Variants in OXR1 observed in about 807,000 individuals in gnomAD.
OXR1 encodes the protein oxidation resistance 1.
A neutral mutation model predicts 104.6 loss-of-function variants in OXR1; 41 were observed. That is an observed-to-expected ratio of 0.39 (90% CI 0.31 to 0.51). The LOEUF (loss-of-function observed/expected upper bound fraction) is 0.51. Ranked by LOEUF, OXR1 falls within the 20% of genes least tolerant of loss-of-function variation. The probability of loss-of-function intolerance (pLI) is 0.77; values close to 1 mark genes in which losing one functional copy is unlikely to be tolerated. For synonymous variants in OXR1, 348 were observed against 348.4 expected, an observed-to-expected ratio of 1.00 and a Z score of 0.01; for missense variants, 955 against 1,031.9, an observed-to-expected ratio of 0.93 and a Z score of 1.02.
At chr8:106,504,025 A>T (rs1378535641) in intron 2 of OXR1, among the ~76,000 whole-genome samples, 2 of 152,160 alleles carry the variant, frequency 1.3e-5, no homozygotes, top group African/African-American at 2.4e-5. Flanking sequence ...AGCTTTAAAC[A>T]CCTAACAAAA....
intron 3 of OXR1, among the ~76,000 whole-genome samples, chr8:106,568,190 T>G (rs1043060845): frequency 1.3e-5 from 2 of 152,120 alleles, no homozygotes; most frequent in African/African-American, 4.8e-5. Context: ...AAATCTTGCT[T>G]TCTCACTTCC....
At chr8:106,459,331 CCCTTCTG>C (rs1820780270) in intron 2 of OXR1, among the ~76,000 whole-genome samples, 1 of 151,966 alleles carries the variant, frequency 6.6e-6, no homozygotes. Flanking sequence ...TGTTTTCTTC[CCCTTCTG>C]CCTTCTGCCG....
At chr8:106,351,900 T>C (rs1815742343) in intron 1 of OXR1, among the ~76,000 whole-genome samples, 1 of 152,174 alleles carries the variant, frequency 6.6e-6, no homozygotes, top group Non-Finnish European at 1.5e-5. Context: ...ATTTTACAAA[T>C]GAAGAAATAA....
At chr8:106,654,912 C>CTG (rs2131038816) in intron 3 of OXR1, among the ~76,000 whole-genome samples, 1 of 152,186 alleles carries the variant, frequency 6.6e-6, no homozygotes, top group African/African-American at 2.4e-5. Flanking sequence ...TCCAAATATC[C>CTG]ATCAATGGAT....
At chr8:106,338,801 C>T (rs1308028976) in intron 1 of OXR1, among the ~76,000 whole-genome samples, 1 of 152,044 alleles carries the variant, frequency 6.6e-6, no homozygotes, top group East Asian at 1.9e-4. Flanking sequence ...TTGTAATTCT[C>T]TAAAACATAT....
chr8:106,274,311 A>T (rs1384376631), intron 1 of OXR1, among the ~76,000 whole-genome samples: 1 of 152,204 alleles, frequency 6.6e-6, no homozygotes, highest in African/African-American at 2.4e-5. Context: ...CCCTGCATGC[A>T]GGAGCTCAGA....
chr8:106,638,712 G>A (rs1823363064), intron 3 of OXR1, among the ~76,000 whole-genome samples: 2 of 152,132 alleles, frequency 1.3e-5, no homozygotes, highest in African/African-American at 4.8e-5. Flanking sequence ...GGCCAACATG[G>A]TGAAATCCCA....
At chr8:106,666,774 A>G (rs1191711855) in intron 3 of OXR1, among the ~76,000 whole-genome samples, 3 of 152,188 alleles carry the variant, frequency 2.0e-5, no homozygotes, top group Admixed American at 1.3e-4. Flanking sequence ...TACGGAAGGT[A>G]ATCAGATATC....
intron 2 of OXR1, among the ~76,000 whole-genome samples, chr8:106,380,383 G>A (rs545904453): frequency 1.8e-4 from 27 of 152,156 alleles, no homozygotes; most frequent in African/African-American, 6.0e-4. Flanking sequence ...AGGGACATTT[G>A]GGTTGTCTGT....
chr8:106,396,543 A>T (rs1349320523), intron 2 of OXR1, among the ~76,000 whole-genome samples: 2 of 152,120 alleles, frequency 1.3e-5, no homozygotes, highest in Non-Finnish European at 2.9e-5. Flanking sequence ...AAATAAGGAA[A>T]GACTGAGAAA....
At chr8:106,677,194 T>TGGTTCTTTC (rs1282512975) in intron 3 of OXR1, among the ~76,000 whole-genome samples, 2 of 40,072 alleles carry the variant, frequency 5.0e-5, no homozygotes, top group African/African-American at 3.6e-4. Context: ...AAGTTTAATT[T>TGGTTCTTTC]GCTATTCAAA....
At chr8:106,705,262 T>A (rs1831034982) in intron 8 of OXR1, among the ~76,000 whole-genome samples, 1 of 152,182 alleles carries the variant, frequency 6.6e-6, no homozygotes, top group South Asian at 2.1e-4. Context: ...TAGATGACAC[T>A]ATTGTATATT....
At chr8:106,568,521 T>C (rs1817240053) in intron 3 of OXR1, among the ~76,000 whole-genome samples, 1 of 152,084 alleles carries the variant, frequency 6.6e-6, no homozygotes, top group Non-Finnish European at 1.5e-5. Context: ...AAGACAATTT[T>C]CCCCTCCTCC....
rs890802812 is a variant in OXR1, at chr8:106,658,314, A to C, written c.221-20896A>C. ...AGGTGTGCCTGGGCCGGGGCGGGCA[A>C]CGTGGCCGGGGTGGCGGCCGCCGGG... On this transcript the variant is annotated intron_variant, in intron 3 of 16. Coordinates refer to ENST00000517566, the MANE Select transcript of OXR1 (RefSeq NM_001198533.2). 43 of 1,127,842 alleles carry C rather than the reference A, an allele frequency of 3.8e-5. No individual in the cohort carries two copies. The African/African-American group carries it at 6.1e-4, about 16-fold the overall frequency. 69.9% of individuals were successfully genotyped at this position (1,127,842 alleles called of 1,614,324 possible).
At chr8:106,411,271 G>C (rs1818446240) in intron 2 of OXR1, among the ~76,000 whole-genome samples, 1 of 152,098 alleles carries the variant, frequency 6.6e-6, no homozygotes, top group South Asian at 2.1e-4. Flanking sequence ...CAAAGAGAAG[G>C]CTGGATGATA....
chr8:106,315,569 T>C (rs1289902546), intron 1 of OXR1, among the ~76,000 whole-genome samples: 1 of 152,234 alleles, frequency 6.6e-6, no homozygotes, highest in African/African-American at 2.4e-5. Context: ...ATTTCAGAAA[T>C]GTTCAGAAAA....
At chr8:106,457,828 G>A (rs1820682480) in intron 2 of OXR1, among the ~76,000 whole-genome samples, 6 of 152,158 alleles carry the variant, frequency 3.9e-5, no homozygotes, top group Admixed American at 3.9e-4. Context: ...GCTGAATTGT[G>A]TCCGTGCCTG....
rs754003943 is a variant in OXR1 at position 106,742,231 on chromosome 8, G to A, written c.2326G>A (p.Ala776Thr). The A allele has an allele frequency of 2.5e-6, 4 of 1,595,812 alleles. No individual in the cohort carries two copies. The highest frequency in any genetic ancestry group is 3.4e-6 in the Non-Finnish European group (4 of 1,164,376). Residue 776 changes from alanine to threonine, a missense_variant, in exon 15 of 17, where the codon GCG becomes ACG. Transcript: ENST00000517566. ...CCTTTTTTATCCTTAGGTTTTTGGT[G>A]CGTTAGCATCTGAGCCACTGAAAGT... ...IKDSDGQVFG[A>T]LASEPLKVSD...
intron 3 of OXR1, among the ~76,000 whole-genome samples, chr8:106,586,585 A>G (rs942284319): frequency 1.3e-5 from 2 of 152,224 alleles, no homozygotes; most frequent in African/African-American, 4.8e-5. Flanking sequence ...TTGATTTAGG[A>G]GTCTTCAATA....
Sources: gnomAD v4.1 joint callset for allele counts (sites outside exome capture counted in the v4.1 genomes callset) on GRCh38, gnomAD v4.1.1 for gene constraint, MANE v1.5 for transcripts, NCBI Gene and HGNC (gene_info 2026-07-23, HGNC 2026-07-21) for gene names.